The following CFAP251 variants were observed in gnomAD, a reference collection of about 807,000 sequenced individuals.
CFAP251 encodes the protein cilia and flagella associated protein 251.
CFAP251 carries 93 observed loss-of-function variants against 126.7 expected under a neutral mutation model. The observed-to-expected ratio is 0.73, with a 90% CI of 0.62 to 0.87. The LOEUF is 0.87. Among genes scored for constraint, CFAP251 ranks in the 40% least tolerant of loss-of-function variants. The pLI, the probability that CFAP251 is intolerant of heterozygous loss-of-function variation, is 0.00. For synonymous variants in CFAP251, 503 were observed against 506.9 expected (o/e 0.99, Z 0.10); for missense variants, 1,287 against 1,389.2 (o/e 0.93, Z 1.17).
chr12:121,931,435 C>T (rs901075299), intron 3 of CFAP251, among the ~76,000 whole-genome samples: 7 of 152,192 alleles, frequency 4.6e-5, no homozygotes, highest in Admixed American at 3.9e-4. Context: ...GCCTCAGCCT[C>T]CCAAGTAGCT....
At chr12:122,000,545 G>A (rs1883124228) in intron 20 of CFAP251, among the ~76,000 whole-genome samples, 3 of 114,868 alleles carry the variant, frequency 2.6e-5, no homozygotes, top group Admixed American at 9.1e-5. Context: ...GAGCGAGACT[G>A]TCAAAAAAAA....
At chr12:121,951,071 AT>A in intron 8 of CFAP251, 1 of 152,368 alleles carries the variant, frequency 6.6e-6, no homozygotes, top group Non-Finnish European at 1.5e-5. Flanking sequence ...AAAAAAAAAA[AT>A]TAGCTGGGCA....
chr12:121,930,748 CTTTTTT>C (rs72062810), intron 3 of CFAP251, among the ~76,000 whole-genome samples: 1 of 109,880 alleles, frequency 9.1e-6, no homozygotes, highest in Non-Finnish European at 2.0e-5. Context: ...AATTGCCTTT[CTTTTTT>C]TTTTTTTTTT....
At chr12:121,964,188 C>A (rs1340971354) in intron 15 of CFAP251, among the ~76,000 whole-genome samples, 3 of 151,362 alleles carry the variant, frequency 2.0e-5, no homozygotes, top group African/African-American at 7.3e-5. Context: ...GTAAACAGTT[C>A]TTTCCCAGAA....
chr12:121,988,359 A>G (rs187310101), intron 19 of CFAP251, among the ~76,000 whole-genome samples: 134 of 152,222 alleles, frequency 8.8e-4, no homozygotes, highest in African/African-American at 3.2e-3. Flanking sequence ...TATCATCCCA[A>G]AAAGAAACCC....
chr12:121,967,519 G>A (rs867880857), intron 16 of CFAP251, among the ~76,000 whole-genome samples: 13 of 152,212 alleles, frequency 8.5e-5, no homozygotes, highest in African/African-American at 1.9e-4. Context: ...TGGCTAACAC[G>A]GTGAAACCCC....
At chr12:122,001,356 T>TA in intron 20 of CFAP251, 141 bp from the exon 21 acceptor site, 1 of 774,452 alleles carries the variant, frequency 1.3e-6, no homozygotes, top group Non-Finnish European at 2.2e-6. Flanking sequence ...ACGCCCAGCC[T>TA]AAATTTTTTT....
chr12:121,975,514 G>C (rs769533031), intron 18 of CFAP251, 28 bp from the exon 19 acceptor site: 1 of 1,604,700 alleles, frequency 6.2e-7, no homozygotes, highest in South Asian at 1.1e-5. Flanking sequence ...CTAAATGTGT[G>C]TTGTGTTTCC....
intron 19 of CFAP251, among the ~76,000 whole-genome samples, chr12:121,985,535 CAA>C (rs59999924): frequency 1.3e-3 from 82 of 62,518 alleles, no homozygotes; most frequent in African/African-American, 2.8e-3. Context: ...GACTCCATCT[CAA>C]AAAAAAAAAA....
chr12:121,979,855 C>T (rs1204609278), intron 19 of CFAP251, among the ~76,000 whole-genome samples: 2 of 152,122 alleles, frequency 1.3e-5, no homozygotes, highest in East Asian at 1.9e-4. Flanking sequence ...CGTGAGCCAC[C>T]GTGCCCGGCC....
intron 17 of CFAP251, chr12:121,971,587 C>A: frequency 5.7e-6 from 4 of 702,936 alleles, no homozygotes; most frequent in South Asian, 1.5e-5. Flanking sequence ...CCAATATTAT[C>A]CCCATCAGAC....
chr12:121,959,087 C>A lies in CFAP251; in HGVS notation c.2126C>A (p.Ala709Glu). Residue 709 changes from alanine to glutamate, a missense_variant, in exon 13 of 22, where the codon GCA (alanine) becomes GAA (glutamate). By Grantham distance (107) the Ala-to-Glu change is moderately radical (BLOSUM62 -1). Transcript: ENST00000288912. ...TTTTCCCATGACTCCCAGTATATGG[C>A]AACTGCTGTAAGTATTTTCATGGAC... ...ISFSHDSQYM[A>E]TADRSFTVAV... The A allele has an allele frequency of 6.3e-7, 1 of 1,589,158 alleles. No individual in the cohort carries two copies. The highest frequency in any genetic ancestry group is 8.5e-7 in the Non-Finnish European group (1 of 1,172,816).
intron 12 of CFAP251, 122 bp from the exon 13 acceptor site, chr12:121,958,821 G>T (rs780162849): frequency 4.0e-6 from 5 of 1,242,118 alleles, no homozygotes; most frequent in Non-Finnish European, 4.4e-6. Context: ...TCATTTCTCC[G>T]CACGGGAGCT....
At chr12:121,940,387 T>A (rs564731108) in intron 5 of CFAP251, among the ~76,000 whole-genome samples, 1 of 152,286 alleles carries the variant, frequency 6.6e-6, no homozygotes, top group South Asian at 2.1e-4. Flanking sequence ...GGGCTACTTC[T>A]CAGTAGGATG....
chr12:121,954,636 T>A (rs1340135356), intron 10 of CFAP251, among the ~76,000 whole-genome samples: 5 of 41,984 alleles, frequency 1.2e-4, no homozygotes, highest in Admixed American at 4.5e-4. Context: ...CCTCCTGTCT[T>A]AAAAAAAAAA....
intron 14 of CFAP251, 68 bp from the exon 15 acceptor site, chr12:121,961,910 T>TG: frequency 1.3e-6 from 2 of 1,497,810 alleles, no homozygotes; most frequent in Non-Finnish European, 1.8e-6. Context: ...CCCAAGAGCT[T>TG]GGGGTTCCTT....
At position 121,986,330 on chromosome 12, in the gene CFAP251, C is replaced by T. The variant is rs1189672926; in HGVS notation, c.3006+10645C>T. On this transcript the variant is annotated intron_variant, in intron 19 of 21. Coordinates refer to ENST00000288912, the MANE Select transcript of CFAP251 (RefSeq NM_144668.6). ...TTTTTTTTTTGGAGACCGAGTCTCC[C>T]TCTGTCACCCAGGCTGCAGCGCAGT... 3.3e-5 allele frequency among the ~76,000 whole-genome samples: 5 copies of T among 149,262 alleles called. No homozygotes were observed. The East Asian group carries it at 7.9e-4, about 23-fold the overall frequency.
At chr12:121,966,919 T>C in intron 15 of CFAP251, 36 bp from the exon 16 acceptor site, 1 of 1,592,336 alleles carries the variant, frequency 6.3e-7, no homozygotes. Context: ...TTGAGATTTG[T>C]GGAATTTTAA....
intron 2 of CFAP251, 66 bp from the exon 3 acceptor site, chr12:121,923,556 A>C (rs1565900652): frequency 6.6e-7 from 1 of 1,525,278 alleles, no homozygotes; most frequent in African/African-American, 1.4e-5. Context: ...GACTGGGAAT[A>C]GAAAAGGTGA....
Sources: gnomAD v4.1 joint callset for allele counts (sites outside exome capture counted in the v4.1 genomes callset) on GRCh38, gnomAD v4.1.1 for gene constraint, MANE v1.5 for transcripts, NCBI Gene and HGNC (gene_info 2026-07-23, HGNC 2026-07-21) for gene names.